Variants in HSPA9 observed in about 807,000 individuals in gnomAD.
HSPA9 encodes stress-70 protein, mitochondrial.
HSPA9 carries 28 observed loss-of-function variants against 81.5 expected under a neutral mutation model. The ratio of observed to expected loss-of-function variants is 0.34; its 90% CI spans 0.25 to 0.47. The LOEUF (loss-of-function observed/expected upper bound fraction) is 0.47, where lower values mean the gene tolerates loss of function less well. Ranked by LOEUF, HSPA9 falls within the 20% of genes least tolerant of loss-of-function variation. HSPA9 has a pLI of 1.00. For synonymous variants in HSPA9, 293 were observed against 290.4 expected (o/e 1.01, Z -0.09); for missense variants, 678 against 838.0 (o/e 0.81, Z 2.36).
chr5:138,568,185 C>A (rs1750805302), intron 5 of HSPA9, among the ~76,000 whole-genome samples: 1 of 144,820 alleles, frequency 6.9e-6, no homozygotes. Flanking sequence ...ACTCTTGTCT[C>A]AAAACAAACA....
At position 138,556,757 on chromosome 5, in the gene HSPA9, TTTAAA is replaced by T; in HGVS notation, c.1821+12_1821+16del. The T allele has an allele frequency of 6.3e-7, 1 of 1,599,520 alleles. No homozygotes were observed. Among genetic ancestry groups the T allele is most frequent in the Non-Finnish European group, 8.6e-7 (1 of 1,166,664 alleles). On this transcript the variant is annotated intron_variant, in intron 15 of 16. Coordinates refer to ENST00000297185, the MANE Select transcript of HSPA9 (RefSeq NM_004134.7). ...AAATGTGTTCAACCTCTTGAGTTAC[TTTAAA>T]ATAGAACTCACCTCATCAGCAGGTA...
chr5:138,566,243 G>C (rs533414379), intron 9 of HSPA9, among the ~76,000 whole-genome samples: 1 of 148,110 alleles, frequency 6.8e-6, no homozygotes, highest in East Asian at 2.0e-4. Flanking sequence ...AATTCACAAG[G>C]AGAGAGGTTA....
intron 3 of HSPA9, 150 bp from the exon 4 acceptor site, chr5:138,571,291 CTG>C (rs1468831872): frequency 1.3e-6 from 1 of 782,072 alleles, no homozygotes; most frequent in Admixed American, 2.0e-5. Context: ...AGCGATTCTT[CTG>C]TCTCAGCCTC....
chr5:138,557,754 C>T (rs1026164403), intron 13 of HSPA9, 115 bp downstream of exon 13: 19 of 818,874 alleles, frequency 2.3e-5, no homozygotes, highest in Admixed American at 1.4e-4. Context: ...AAACATTACA[C>T]TTGTACAAGT....
chr5:138,574,873 G>C (rs541082654), intron 1 of HSPA9: 2 of 320,724 alleles, frequency 6.2e-6, no homozygotes, highest in African/African-American at 4.3e-5. Flanking sequence ...TACACACTCT[G>C]TATTCTGTAG....
At position 138,560,908 on chromosome 5, in the gene HSPA9, A is replaced by T. The variant is rs767969524; in HGVS notation, c.1182+672T>A. The T allele has an allele frequency of 3.5e-4, 117 of 336,448 alleles. 3 individuals are homozygous for T. The highest frequency in any genetic ancestry group is 9.7e-4 in the Middle Eastern group (2 of 2,070). 20.8% of individuals were successfully genotyped at this position (336,448 alleles called of 1,614,324 possible). On this transcript the variant is annotated intron_variant, in intron 10 of 16. Coordinates refer to ENST00000297185, the MANE Select transcript of HSPA9 (RefSeq NM_004134.7). ...TCCAGGACCTTTTTTTTCCAGGTTC[A>T]TTTTTTTTTTTTTTGCATATTTCCT... is the stretch of plus-strand genomic sequence containing the variant.
In HSPA9 at chr5:138,562,921, C is replaced by G. The variant is rs144996355; in HGVS notation, c.973-1132G>C. Among the ~76,000 whole-genome samples, 4 of 152,340 alleles carry G rather than the reference C, an allele frequency of 2.6e-5. No homozygotes were observed. In the East Asian group the frequency reaches 5.8e-4, roughly 22 times the overall value. ...TGGCCATCACATCCATGGAGAGCAG[C>G]TGACAGTCACACCATGTAATATCCA... On this transcript the variant is annotated intron_variant, in intron 9 of 16. Transcript: ENST00000297185.
At chr5:138,556,926 C>CTGAG in intron 14 of HSPA9, 60 bp from the exon 15 acceptor site, 1 of 1,120,604 alleles carries the variant, frequency 8.9e-7, no homozygotes, top group Non-Finnish European at 1.4e-6. Flanking sequence ...TGCTGAATGT[C>CTGAG]TATACTCAGA....
intron 3 of HSPA9, among the ~76,000 whole-genome samples, chr5:138,572,900 C>CT (rs539598546): frequency 0.015 from 2,122 of 145,138 alleles, 26 homozygotes; most frequent in Non-Finnish European, 0.015. Flanking sequence ...ATAGTCTCTT[C>CT]TTTTTTTTTT....
chr5:138,561,484 C>G, intron 10 of HSPA9, 96 bp downstream of exon 10: 2 of 915,908 alleles, frequency 2.2e-6, no homozygotes, highest in South Asian at 2.7e-5. Context: ...TTTTAGGTCA[C>G]CCCAGCAGAA....
intron 4 of HSPA9, among the ~76,000 whole-genome samples, chr5:138,569,699 A>T (rs1270372488): frequency 6.6e-6 from 1 of 152,134 alleles, no homozygotes; most frequent in Non-Finnish European, 1.5e-5. Context: ...AGCTGTTTAA[A>T]TTTTTAAAAA....
intron 13 of HSPA9, 36 bp downstream of exon 13, chr5:138,557,833 C>T (rs368211786): frequency 6.9e-6 from 9 of 1,300,520 alleles, no homozygotes; most frequent in African/African-American, 1.5e-5. Context: ...ACCTCCCTCA[C>T]CTCACTCTTA....
rs1750483517 is a variant in HSPA9 at position 138,554,717 on chromosome 5, C to A, written c.*1320G>T. Among the ~76,000 whole-genome samples the A allele has an allele frequency of 6.6e-6, 1 of 152,208 alleles. No homozygotes were observed. Among genetic ancestry groups the A allele is most frequent in the Non-Finnish European group, 1.5e-5 (1 of 68,036 alleles). On this transcript the variant is annotated 3_prime_UTR_variant, in exon 17 of 17. Transcript: ENST00000297185. ...TCTTTTGAACATGGCATATGACATT[C>A]ATCCATGAAACATAAGGGAAATGTG... is the stretch of plus-strand genomic sequence containing the variant.
rs956123117 is a variant in HSPA9, at chr5:138,573,808, A to G, written c.183T>C (p.Gly61=). ...IKGAVVGIDL[G]TTNSCVAVME... is the part of the protein sequence containing the mutation. ...TAACTGCCACGCAGGAGTTGGTAGT[A>G]CCCAAATCAATACCAACAACTGCTC... Residue 61 remains glycine (G), a synonymous_variant, in exon 3 of 17, where the codon GGT becomes GGC. Coordinates refer to ENST00000297185, the MANE Select transcript of HSPA9 (RefSeq NM_004134.7). The G allele has an allele frequency of 1.9e-6, 3 of 1,613,694 alleles. No individual in the cohort carries two copies. Among genetic ancestry groups the G allele is most frequent in the Non-Finnish European group, 1.7e-6 (2 of 1,179,656 alleles).
In HSPA9 at chr5:138,573,987, GAA is replaced by G; in HGVS notation, c.140+79_140+80del. 12 of 501,276 alleles carry G rather than the reference GAA, an allele frequency of 2.4e-5. No homozygotes were observed. In the East Asian group the frequency reaches 6.6e-3, roughly 277 times the overall value. The allele number at this position is 501,276 out of a possible 1,614,324, so 31.1% of individuals were successfully genotyped here. On this transcript the variant is annotated intron_variant, in intron 2 of 16. Coordinates refer to ENST00000297185, the MANE Select transcript of HSPA9 (RefSeq NM_004134.7). ...ATAAATACAGATAAATAATTACAGAGAAGAATAATCACAAATGTAGAAAACAC... is the reference window on the plus strand; with the variant it reads ...ATAAATACAGATAAATAATTACAGAGGAATAATCACAAATGTAGAAAACAC...
intron 4 of HSPA9, among the ~76,000 whole-genome samples, chr5:138,569,900 T>G (rs570994623): frequency 3.2e-4 from 48 of 151,738 alleles, no homozygotes; most frequent in African/African-American, 1.1e-3. Context: ...CTTCTAGTTT[T>G]TTTTTTTTTT....
chr5:138,558,842 A>G, intron 11 of HSPA9, 185 bp from the exon 12 acceptor site: 1 of 581,598 alleles, frequency 1.7e-6, no homozygotes. Context: ...TGGGCATACA[A>G]TAGCAACTGT....
intron 5 of HSPA9, 142 bp downstream of exon 5, chr5:138,568,783 A>T: frequency 1.2e-6 from 1 of 824,562 alleles, no homozygotes; most frequent in South Asian, 1.4e-5. Context: ...AGCATGAAGT[A>T]TAACACAGTT....
chr5:138,560,903 G>C, intron 10 of HSPA9: 1 of 390,178 alleles, frequency 2.6e-6, no homozygotes, highest in South Asian at 1.8e-5. Flanking sequence ...TTTTTTTCCA[G>C]GTTCATTTTT....
Sources: gnomAD v4.1 joint callset for allele counts (sites outside exome capture counted in the v4.1 genomes callset) on GRCh38, gnomAD v4.1.1 for gene constraint, MANE v1.5 for transcripts, NCBI Gene and HGNC (gene_info 2026-07-23, HGNC 2026-07-21) for gene names.